EFHC1: variants seen among roughly 807,000 people sequenced by gnomAD.
EFHC1 encodes EF-hand domain containing 1, also known as EF-hand domain-containing protein 1.
In EFHC1, 53 loss-of-function variants were observed where a neutral mutation model predicts 69.9. That is an observed-to-expected ratio of 0.76 (90% CI 0.61 to 0.95). The LOEUF is 0.95. Among genes scored for constraint, EFHC1 ranks in the 40% least tolerant of loss-of-function variants. The pLI, the probability that EFHC1 is intolerant of heterozygous loss-of-function variation, is 0.00. For missense variants in EFHC1, 739 were observed against 798.7 expected (o/e 0.93, Z 0.90); for synonymous variants, 256 against 278.4 (o/e 0.92, Z 0.80).
At chr6:52,445,094 T>C (rs932159810) in intron 3 of EFHC1, among the ~76,000 whole-genome samples, 1 of 151,730 alleles carries the variant, frequency 6.6e-6, no homozygotes, top group African/African-American at 2.4e-5. Context: ...TAGAGGTGTT[T>C]ATAGTATTTT....
rs758695181 is a variant in EFHC1, at chr6:52,454,198, G to A, written c.827G>A (p.Arg276Gln). 1.1e-5 allele frequency: 18 copies of A among 1,613,966 alleles called. No homozygotes were observed. The highest frequency in any genetic ancestry group is 1.4e-5 in the Non-Finnish European group (16 of 1,180,012). Residue 276 changes from arginine (R) to glutamine (Q), a missense_variant, in exon 5 of 11, where the codon CGA becomes CAA. Arg to Gln is a conservative substitution (Grantham distance 43, BLOSUM62 1). Transcript: ENST00000371068. ...YYLMDDTVEI[R>Q]EVHERNDGRD... Reference sequence around the variant, plus strand: ...CTTATGGATGATACGGTGGAAATTCGAGAGGTCCACGAACGGAATGATGGG... The same window carrying A: ...CTTATGGATGATACGGTGGAAATTCAAGAGGTCCACGAACGGAATGATGGG...
intron 4 of EFHC1, chr6:52,453,123 C>G (rs1292995284): frequency 7.1e-7 from 1 of 1,412,526 alleles, no homozygotes; most frequent in African/African-American, 1.4e-5. Flanking sequence ...ATCTGCTTCC[C>G]ACCTTACGTT....
intron 3 of EFHC1, among the ~76,000 whole-genome samples, chr6:52,450,923 C>T (rs1002227644): frequency 2.0e-5 from 3 of 152,058 alleles, no homozygotes; most frequent in African/African-American, 4.8e-5. Flanking sequence ...CTCAGCCTCC[C>T]GAGTAGCTGG....
chr6:52,445,143 A>T (rs1288296185), intron 3 of EFHC1, among the ~76,000 whole-genome samples: 2 of 149,696 alleles, frequency 1.3e-5, no homozygotes, highest in Non-Finnish European at 3.0e-5. Context: ...CGATGGTGAT[A>T]TCCCCTTTAT....
intron 10 of EFHC1, 135 bp downstream of exon 10, chr6:52,490,485 C>T: frequency 2.7e-6 from 2 of 744,210 alleles, no homozygotes; most frequent in Non-Finnish European, 4.5e-6. Context: ...CTATTCTGTC[C>T]TGATTAGGTA....
intron 4 of EFHC1, 95 bp from the exon 5 acceptor site, chr6:52,453,987 ATAGTCTTTCCAGC>A (rs745879661): frequency 3.9e-5 from 62 of 1,589,736 alleles, no homozygotes; most frequent in Non-Finnish European, 5.0e-5. Context: ...AAATTACTTC[ATAGTCTTTCCAGC>A]TAGTCTTTCC....
rs1483842200 is a variant in EFHC1 at position 52,493,583 on chromosome 6, C to G, written c.*1242C>G. 6.7e-6 allele frequency: 3 copies of G among 446,350 alleles called. No homozygotes were observed. Among genetic ancestry groups the G allele is most frequent in the Admixed American group, 2.4e-5 (1 of 41,712 alleles). The allele number at this position is 446,350 out of a possible 1,614,324, so 27.6% of individuals were successfully genotyped here. A position where few individuals can be genotyped will look rare whatever the true frequency, so the allele number is the denominator to read the frequency against. On this transcript the variant is annotated 3_prime_UTR_variant, in exon 11 of 11. Transcript: ENST00000371068. ...GGGAGAATCACTTGAACCCTGGAGGCAGAGGTTGCAGTGAGCCAAGACCAC... is the reference window on the plus strand; with the variant it reads ...GGGAGAATCACTTGAACCCTGGAGGGAGAGGTTGCAGTGAGCCAAGACCAC...
Position 52,420,864 on chromosome 6 carries a change from C to T in EFHC1, c.63+391C>T. 1.7e-5 allele frequency: 7 copies of T among 402,814 alleles called. 1 individual carries two copies. The highest frequency in any genetic ancestry group is 1.6e-4 in the South Asian group (7 of 42,564). 25.0% of individuals were successfully genotyped at this position (402,814 alleles called of 1,614,324 possible). A position where few individuals can be genotyped will look rare whatever the true frequency, so the allele number is the denominator to read the frequency against. On this transcript the variant is annotated intron_variant, in intron 1 of 10. Transcript: ENST00000371068. Reference sequence around the variant, plus strand: ...CTATCTCTGGGCCCTCTCCCTAGCTCGTTCTCTCACATCATAACCTGTCTC... The same window carrying T: ...CTATCTCTGGGCCCTCTCCCTAGCTTGTTCTCTCACATCATAACCTGTCTC...
rs1765630474 is a variant in EFHC1 at position 52,479,697 on chromosome 6, AGAGC to A, written c.1551_1554del (p.Ser518ThrfsTer44). ...GACGAGTATGTTTTGAAATACATGG[AGAGC>A]AACGCTGCCCAGTATTCACCAGAAG... On this transcript the variant is annotated frameshift_variant, in exon 9 of 11. Transcript: ENST00000371068. LOFTEE classifies it high-confidence loss of function. 1 of 1,614,090 alleles carries A rather than the reference AGAGC, an allele frequency of 6.2e-7. No individual in the cohort carries two copies. The highest frequency in any genetic ancestry group is 8.5e-7 in the Non-Finnish European group (1 of 1,180,044).
In EFHC1 at chr6:52,448,485, C is replaced by A. The variant is rs545852651; in HGVS notation, c.574-4203C>A. Among the ~76,000 whole-genome samples the A allele has an allele frequency of 1.5e-3, 234 of 152,296 alleles. 1 individual carries two copies. The highest frequency in any genetic ancestry group is 5.5e-3 in the African/African-American group (229 of 41,562). On this transcript the variant is annotated intron_variant, in intron 3 of 10. Coordinates refer to ENST00000371068, the MANE Select transcript of EFHC1 (RefSeq NM_018100.4). ...TACTGTCTGTCACAGCTTCCCTTTG[C>A]TAGGAAAGGGAATTCCCCGACCCCT...
At chr6:52,450,836 TCA>T (rs1415628970) in intron 3 of EFHC1, among the ~76,000 whole-genome samples, 6 of 152,196 alleles carry the variant, frequency 3.9e-5, no homozygotes, top group African/African-American at 1.4e-4. Flanking sequence ...TCTCACTTTG[TCA>T]CCCAGGTTGG....
intron 1 of EFHC1, chr6:52,423,669 T>TTTTTC: frequency 2.2e-6 from 1 of 451,606 alleles, no homozygotes; most frequent in Non-Finnish European, 3.8e-6. Context: ...TTTTTTTTTT[T>TTTTTC]TTTTTTTTTT....
In EFHC1 at chr6:52,492,673, G is replaced by A; in HGVS notation, c.*332G>A. 1 of 459,122 alleles carries A rather than the reference G, an allele frequency of 2.2e-6. No homozygotes were observed. Among genetic ancestry groups the A allele is most frequent in the South Asian group, 1.6e-5 (1 of 62,584 alleles). 28.4% of individuals were successfully genotyped at this position (459,122 alleles called of 1,614,324 possible). On this transcript the variant is annotated 3_prime_UTR_variant, in exon 11 of 11. Transcript: ENST00000371068. The stretch of plus-strand genomic sequence containing the variant: ...TCTGTCATACAGGCTGGAGTGTGGT[G>A]GCACTATCCTAGTTCTATGAAGCCT...
chr6:52,492,610 T>C lies in EFHC1; in HGVS notation c.*269T>C, dbSNP rs1173300199. The C allele has an allele frequency of 1.8e-6, 1 of 568,156 alleles. No homozygotes were observed. The highest frequency in any genetic ancestry group is 4.0e-5 in the East Asian group (1 of 24,714). 35.2% of individuals were successfully genotyped at this position (568,156 alleles called of 1,614,324 possible). On this transcript the variant is annotated 3_prime_UTR_variant, in exon 11 of 11. Coordinates refer to ENST00000371068, the MANE Select transcript of EFHC1 (RefSeq NM_018100.4). ...GGGCCCAAATATTTCCTTTCTTTCT[T>C]TTTAAAAAAATAAATTTTTTTAGAG...
chr6:52,453,964 T>A, intron 4 of EFHC1, 131 bp from the exon 5 acceptor site: 1 of 1,548,588 alleles, frequency 6.5e-7, no homozygotes, highest in African/African-American at 1.4e-5. Context: ...TTTTTTTCAA[T>A]TTACCCCATC....
At chr6:52,456,467 A>T (rs988613275) in intron 5 of EFHC1, among the ~76,000 whole-genome samples, 5 of 152,212 alleles carry the variant, frequency 3.3e-5, no homozygotes, top group African/African-American at 1.2e-4. Flanking sequence ...ATCCCTTTAA[A>T]TGACAGATTC....
intron 5 of EFHC1, among the ~76,000 whole-genome samples, chr6:52,459,195 A>T (rs560430686): frequency 5.9e-4 from 90 of 152,372 alleles, no homozygotes; most frequent in Admixed American, 1.1e-3. Context: ...ACCAACCTGT[A>T]CATGTACCCT....
rs747957348 is a variant in EFHC1, at chr6:52,465,130, C to A, written c.1137+15C>A. ...CAGTAAAACAGGTAATCAGATAGTA[C>A]TTCTTAGTGTGGTGAGAAAACTAAT... On this transcript the variant is annotated intron_variant, in intron 6 of 10. Transcript: ENST00000371068. 7.5e-6 allele frequency: 12 copies of A among 1,609,074 alleles called. No individual in the cohort carries two copies. Among genetic ancestry groups the A allele is most frequent in the Non-Finnish European group, 1.0e-5 (12 of 1,177,318 alleles).
rs1348031022 is a variant in EFHC1, at chr6:52,461,473, A to C, written c.917-3422A>C. 2.6e-5 allele frequency among the ~76,000 whole-genome samples: 4 copies of C among 152,060 alleles called. No homozygotes were observed. The East Asian group carries it at 7.7e-4, about 29-fold the overall frequency. On this transcript the variant is annotated intron_variant, in intron 5 of 10. Coordinates refer to ENST00000371068, the MANE Select transcript of EFHC1 (RefSeq NM_018100.4). ...ATTTTCTTTATTCAATCTGTCATTG[A>C]TGGGCATTTAGGTTGATTCTATGTC... is the stretch of plus-strand genomic sequence containing the variant.
Sources: allele counts gnomAD v4.1 joint callset (sites outside exome capture counted in the v4.1 genomes callset), GRCh38; gene constraint gnomAD v4.1.1; transcripts MANE v1.5; gene names NCBI Gene and HGNC (gene_info 2026-07-23, HGNC 2026-07-21).